Variants in EML5 observed in about 807,000 individuals in gnomAD.
EML5 encodes EMAP like 5, also known as echinoderm microtubule-associated protein-like 5.
In EML5, 120 loss-of-function variants were observed where a neutral mutation model predicts 250.0. The observed-to-expected ratio is 0.48, with a 90% confidence interval of 0.41 to 0.56. The LOEUF (loss-of-function observed/expected upper bound fraction) is 0.56. EML5 is among the 20% of genes least tolerant of loss of function. The pLI, the probability that EML5 is intolerant of heterozygous loss-of-function variation, is 0.00. For synonymous variants in EML5, 771 were observed against 806.5 expected (o/e 0.96, Z 0.75); for missense variants, 2,006 against 2,437.6 (o/e 0.82, Z 3.73).
chr14:88,686,314 A>T (rs879842798), intron 19 of EML5, among the ~76,000 whole-genome samples: 16 of 152,158 alleles, frequency 1.1e-4, no homozygotes, highest in Admixed American at 5.2e-4. Flanking sequence ...AAGACGAGTT[A>T]ACGGGTGCAG....
chr14:88,779,686 G>A (rs77919270), intron 1 of EML5, among the ~76,000 whole-genome samples: 166 of 152,190 alleles, frequency 1.1e-3, no homozygotes, highest in African/African-American at 3.7e-3. Context: ...TATTCTAGGC[G>A]CAAACCAGGA....
At position 88,618,228 on chromosome 14, in the gene EML5, C is replaced by G. The variant is rs779980921; in HGVS notation, c.5642G>C (p.Ser1881Thr). ...GCCTTGTGAATATATAAGTATTTAC[C>G]TAGTCCATGTAGCCCAAGTAATTCT... ...IDRITWATWT[S>T]ILGDEVLGIW... The change falls in exon 41 of 44, where the codon AGT becomes ACT. Residue 1881 changes from serine to threonine, a missense_variant and splice_region_variant. Physicochemically the swap from Ser to Thr is moderately conservative, Grantham distance 58. This residue lies in a region of EML5 where 405 missense variants were observed against 523.3 expected (regional missense o/e 0.77). Coordinates refer to ENST00000554922, the MANE Select transcript of EML5 (RefSeq NM_183387.3). 23 of 1,612,962 alleles carry G rather than the reference C, an allele frequency of 1.4e-5. No homozygotes were observed. The highest frequency in any genetic ancestry group is 1.7e-5 in the Non-Finnish European group (20 of 1,179,406).
At chr14:88,706,480 T>C (rs2093319334) in intron 10 of EML5, 54 bp from the exon 11 acceptor site, 5 of 1,299,276 alleles carry the variant, frequency 3.8e-6, no homozygotes, top group Non-Finnish European at 5.1e-6. Flanking sequence ...CAAAATACCA[T>C]TTCAAACAAT....
chr14:88,626,179 A>G (rs1315156471), intron 35 of EML5: 1 of 152,344 alleles, frequency 6.6e-6, no homozygotes, highest in African/African-American at 2.4e-5. Flanking sequence ...AAATCATTTG[A>G]AAATCATGTT....
chr14:88,620,640 G>A lies in EML5; in HGVS notation c.5375+114C>T, dbSNP rs1432155724. 16 of 789,812 alleles carry A rather than the reference G, an allele frequency of 2.0e-5. No homozygotes were observed. Among genetic ancestry groups the A allele is most frequent in the Admixed American group, 1.5e-4 (4 of 27,348 alleles). The allele number at this position is 789,812 out of a possible 1,614,324, so 48.9% of individuals were successfully genotyped here. A position where few individuals can be genotyped will look rare whatever the true frequency, so the allele number is the denominator to read the frequency against. On this transcript the variant is annotated intron_variant, in intron 39 of 43. Transcript: ENST00000554922. This position sits in a 1 kb window ranked among gnomAD's most constrained non-coding sequence, Gnocchi z 4.3. ...TATTTTAGCATACAATTTATAATAC[G>A]GGAAATGCTACAGGCCCTGGGGACC... is the stretch of plus-strand genomic sequence containing the variant.
At chr14:88,774,126 C>A (rs1054164605) in intron 1 of EML5, among the ~76,000 whole-genome samples, 3 of 151,850 alleles carry the variant, frequency 2.0e-5, no homozygotes, top group Non-Finnish European at 4.4e-5. Context: ...CTCAAAAAAG[C>A]AAAAAACAGA....
Position 88,615,744 on chromosome 14 carries a change from C to T in EML5, c.*74G>A. On this transcript the variant is annotated 3_prime_UTR_variant, in exon 44 of 44. Transcript: ENST00000554922. The stretch of plus-strand genomic sequence containing the variant: ...CTTGGGTTAGCACCACTTGACCATG[C>T]AGGGTTGGGTTTTGGTTTTTCTTCT... The T allele has an allele frequency of 6.9e-7, 1 of 1,443,652 alleles. No homozygotes were observed. Among genetic ancestry groups the T allele is most frequent in the Non-Finnish European group, 9.5e-7 (1 of 1,049,792 alleles). 89.4% of individuals were successfully genotyped at this position (1,443,652 alleles called of 1,614,324 possible). A position where few individuals can be genotyped will look rare whatever the true frequency, so the allele number is the denominator to read the frequency against.
rs1233770217 is a variant in EML5, at chr14:88,615,426, A to G, written c.*392T>C. On this transcript the variant is annotated 3_prime_UTR_variant, in exon 44 of 44. Coordinates refer to ENST00000554922, the MANE Select transcript of EML5 (RefSeq NM_183387.3). ...ACAATGAACCTTGAAAATAAAATAT[A>G]AACATTAAGAAACCATTTTGCTAAA... 1 of 165,180 alleles carries G rather than the reference A, an allele frequency of 6.1e-6. No homozygotes were observed. Among genetic ancestry groups the G allele is most frequent in the East Asian group, 1.7e-4 (1 of 6,006 alleles). 10.2% of individuals were successfully genotyped at this position (165,180 alleles called of 1,614,324 possible).
At position 88,625,051 on chromosome 14, in the gene EML5, G is replaced by A. The variant is rs777283646; in HGVS notation, c.4817C>T (p.Ala1606Val). The change falls in exon 36 of 44, where the codon GCG becomes GTG. Residue 1606 changes from alanine to valine, a missense_variant. Physicochemically the swap from Ala to Val is moderately conservative, Grantham distance 64. Transcript: ENST00000554922. The part of the protein sequence containing the change: ...WKDHILCRIV[A>V]RAHNGPVFAM... ...AAACACAGGCCCGTTGTGAGCTCTC[G>A]CCACGATTCTACACAATATGTGATC... The A allele has an allele frequency of 2.7e-5, 43 of 1,612,450 alleles. No individual in the cohort carries two copies. Among genetic ancestry groups the A allele is most frequent in the Admixed American group, 5.0e-5 (3 of 59,892 alleles).
In EML5 at chr14:88,772,546, A is replaced by G. The variant is rs148679466; in HGVS notation, c.198-17875T>C. On this transcript the variant is annotated intron_variant, in intron 1 of 43. Transcript: ENST00000554922. ...GAGGCAGGCAGATCACGAGGTCAGG[A>G]GTTCAAGACCAGACTGGCCAACGTG... Among the ~76,000 whole-genome samples, 308 of 152,256 alleles carry G rather than the reference A, an allele frequency of 2.0e-3. 2 individuals are homozygous for G. Among genetic ancestry groups the G allele is most frequent in the African/African-American group, 7.0e-3 (289 of 41,546 alleles).
chr14:88,631,860 T>C (rs951318231), intron 33 of EML5, among the ~76,000 whole-genome samples: 1 of 152,162 alleles, frequency 6.6e-6, no homozygotes, highest in Non-Finnish European at 1.5e-5. Context: ...TTCTAATGTA[T>C]TTATTCTCCC....
intron 1 of EML5, among the ~76,000 whole-genome samples, chr14:88,757,578 G>A (rs1314186493): frequency 1.3e-5 from 2 of 151,784 alleles, no homozygotes; most frequent in Admixed American, 6.6e-5. Flanking sequence ...ATCTGATAAG[G>A]GACTTCTATT....
At chr14:88,647,687 C>CAAAAAAAAAA (rs34191990) in intron 28 of EML5, among the ~76,000 whole-genome samples, 4 of 48,754 alleles carry the variant, frequency 8.2e-5, no homozygotes, top group African/African-American at 3.0e-4. Context: ...GAGACCGTCT[C>CAAAAAAAAAA]AAAAAAAAAA....
chr14:88,760,984 G>A (rs746704990), intron 1 of EML5, among the ~76,000 whole-genome samples: 5 of 151,992 alleles, frequency 3.3e-5, no homozygotes, highest in East Asian at 3.9e-4. Flanking sequence ...ACTAATTTAC[G>A]TATGTTGACC....
chr14:88,656,750 TG>T (rs1247603274), intron 27 of EML5, among the ~76,000 whole-genome samples: 1 of 58,162 alleles, frequency 1.7e-5, no homozygotes, highest in African/African-American at 1.9e-4. Flanking sequence ...AAATGAGGAC[TG>T]ACTATGCTTA....
At chr14:88,712,062 T>G (rs2093417462) in intron 10 of EML5, among the ~76,000 whole-genome samples, 1 of 152,152 alleles carries the variant, frequency 6.6e-6, no homozygotes, top group African/African-American at 2.4e-5. Context: ...TAACAACATA[T>G]GAATTCAAAA....
chr14:88,652,020 G>GA (rs942052836), intron 27 of EML5, among the ~76,000 whole-genome samples: 1 of 152,018 alleles, frequency 6.6e-6, no homozygotes, highest in African/African-American at 2.4e-5. Flanking sequence ...AACTGGTAAT[G>GA]AAAAAAATGA....
Position 88,792,642 on chromosome 14 carries a change from A to C in EML5, c.-139T>G, listed in dbSNP as rs2094622662. 1 of 1,154,738 alleles carries C rather than the reference A, an allele frequency of 8.7e-7. No individual in the cohort carries two copies. The highest frequency in any genetic ancestry group is 1.1e-6 in the Non-Finnish European group (1 of 939,550). The allele number at this position is 1,154,738 out of a possible 1,614,324, so 71.5% of individuals were successfully genotyped here. A position where few individuals can be genotyped will look rare whatever the true frequency, so the allele number is the denominator to read the frequency against. ...CCTCTAAGCCGCGCCCGTCAGGTGC[A>C]TCTCGTTTCGGGGGCCGCCGCCGCC... On this transcript the variant is annotated 5_prime_UTR_variant, in exon 1 of 44. It removes an upstream start codon present in the reference 5' UTR. Transcript: ENST00000554922. The surrounding 1 kb of genome is among the most constrained non-coding windows in gnomAD (Gnocchi z 6.9).
At chr14:88,734,251 C>G (rs1305475771) in intron 7 of EML5, among the ~76,000 whole-genome samples, 1 of 151,878 alleles carries the variant, frequency 6.6e-6, no homozygotes, top group East Asian at 1.9e-4. Context: ...TTATTATAAC[C>G]AGGATAAACA....
Sources: allele counts gnomAD v4.1 joint callset (sites outside exome capture counted in the v4.1 genomes callset), GRCh38; gene constraint gnomAD v4.1.1; regional missense constraint gnomAD v4.1.1; non-coding constraint Gnocchi (gnomAD v3.1); transcripts MANE v1.5; gene names NCBI Gene and HGNC (gene_info 2026-07-23, HGNC 2026-07-21).